Variants in SUPT16H observed in about 807,000 individuals in gnomAD.
The protein encoded by SUPT16H is FACT complex subunit SPT16.
SUPT16H carries 24 observed loss-of-function variants against 136.2 expected under a neutral mutation model. The ratio of observed to expected loss-of-function variants is 0.18; its 90% CI spans 0.13 to 0.25. The LOEUF (loss-of-function observed/expected upper bound fraction) is 0.25, where lower values mean the gene tolerates loss of function less well. Among genes scored for constraint, SUPT16H ranks in the 10% least tolerant of loss-of-function variants. The pLI, the probability that SUPT16H is intolerant of heterozygous loss-of-function variation, is 1.00. For missense variants in SUPT16H, 623 were observed against 1,270.2 expected (o/e 0.49, Z 7.74); for synonymous variants, 415 against 428.2 (o/e 0.97, Z 0.38).
intron 3 of SUPT16H, among the ~76,000 whole-genome samples, chr14:21,370,749 G>C (rs888375348): frequency 6.6e-6 from 1 of 151,860 alleles, no homozygotes; most frequent in Non-Finnish European, 1.5e-5. Flanking sequence ...AAGTAGCTGG[G>C]ACTACAGGTT....
At chr14:21,367,192 G>C (rs1346680076) in intron 7 of SUPT16H, among the ~76,000 whole-genome samples, 1 of 152,152 alleles carries the variant, frequency 6.6e-6, no homozygotes, top group Non-Finnish European at 1.5e-5. Flanking sequence ...TGGCCTCCCA[G>C]AGTGCCGGGA....
chr14:21,376,702 A>T (rs2139417790), intron 1 of SUPT16H, among the ~76,000 whole-genome samples: 1 of 152,282 alleles, frequency 6.6e-6, no homozygotes, highest in African/African-American at 2.4e-5. Flanking sequence ...CTACACACTC[A>T]GGAAAAAAGG....
chr14:21,370,666 C>T (rs1886766845), intron 3 of SUPT16H, among the ~76,000 whole-genome samples, 178 bp from the exon 4 acceptor site: 1 of 152,142 alleles, frequency 6.6e-6, no homozygotes, highest in Non-Finnish European at 1.5e-5. Context: ...CAGGGTAGAG[C>T]ACAGTGGTGT....
rs1318389586 is a variant in SUPT16H at position 21,373,389 on chromosome 14, T to A, written c.108A>T (p.Val36=). The A allele has an allele frequency of 6.2e-7, 1 of 1,614,062 alleles. No homozygotes were observed. Among genetic ancestry groups the A allele is most frequent in the African/African-American group, 1.3e-5 (1 of 74,942 alleles). The change falls in exon 2 of 26, where the codon GTA becomes GTT. Residue 36 remains valine (V), a synonymous_variant. Coordinates refer to ENST00000216297, the MANE Select transcript of SUPT16H (RefSeq NM_007192.4). ...DEYANVDAIV[V]SVGVDEEIVY... ...CAATTTCTTCATCAACACCCACTGA[T>A]ACAACAATGGCATCAACGTTGGCAT...
rs1312377822 is a variant in SUPT16H, at chr14:21,360,899, CGAATGTAT to C, written c.1995_2002del (p.Tyr666ProfsTer35). On this transcript the variant is annotated frameshift_variant, in exon 17 of 26. Coordinates refer to ENST00000216297, the MANE Select transcript of SUPT16H (RefSeq NM_007192.4). LOFTEE classifies it high-confidence loss of function. Reference sequence around the variant, plus strand: ...CATCCTCTTTTGGGCAATATTTGGGCGAATGTATAGATCTTTCAGTTTCGGATTACTCC... The same window carrying C: ...CATCCTCTTTTGGGCAATATTTGGGCAGATCTTTCAGTTTCGGATTACTCC... The C allele has an allele frequency of 6.2e-7, 1 of 1,613,984 alleles. No individual in the cohort carries two copies. The highest frequency in any genetic ancestry group is 1.3e-5 in the African/African-American group (1 of 74,900).
intron 14 of SUPT16H, 109 bp from the exon 15 acceptor site, chr14:21,362,433 TAATCTA>T (rs1886576340): frequency 2.9e-6 from 3 of 1,039,584 alleles, no homozygotes; most frequent in Non-Finnish European, 2.7e-6. Context: ...CTCTTAACCT[TAATCTA>T]AATCTAATAA....
intron 3 of SUPT16H, among the ~76,000 whole-genome samples, chr14:21,371,148 A>G (rs1886776941): frequency 6.6e-6 from 1 of 152,146 alleles, no homozygotes; most frequent in Non-Finnish European, 1.5e-5. Context: ...TTGGGATTAC[A>G]GCCATGAGCC....
chr14:21,379,568 C>T (rs1594312337), intron 1 of SUPT16H, among the ~76,000 whole-genome samples: 1 of 151,898 alleles, frequency 6.6e-6, no homozygotes, highest in South Asian at 2.1e-4. Context: ...TAAAAAGTTT[C>T]TTGGCCAGGT....
At chr14:21,373,696 T>G (rs1789280675) in intron 1 of SUPT16H, among the ~76,000 whole-genome samples, 1 of 152,244 alleles carries the variant, frequency 6.6e-6, no homozygotes, top group Non-Finnish European at 1.5e-5. Context: ...AAACGTCCTG[T>G]GTAATTCAAA....
At chr14:21,363,739 C>T (rs1164274594) in intron 10 of SUPT16H, among the ~76,000 whole-genome samples, 2 of 152,020 alleles carry the variant, frequency 1.3e-5, no homozygotes, top group African/African-American at 4.8e-5. Flanking sequence ...AGTGCAATGG[C>T]GTGACCTCAG....
chr14:21,382,551 A>C (rs1594314220), intron 1 of SUPT16H, among the ~76,000 whole-genome samples: 1 of 152,322 alleles, frequency 6.6e-6, no homozygotes, highest in African/African-American at 2.4e-5. Context: ...TTTCATACCA[A>C]AGGTTCACAG....
intron 22 of SUPT16H, among the ~76,000 whole-genome samples, chr14:21,355,513 T>TAAAAAAAAAAAAAAAAAA (rs59639210): frequency 2.6e-5 from 3 of 113,612 alleles, no homozygotes; most frequent in Non-Finnish European, 3.6e-5. Context: ...ATAATAATAA[T>TAAAAAAAAAAAAAAAAAA]AAAAAAAAAA....
At chr14:21,369,414 T>C (rs995552579) in intron 5 of SUPT16H, 59 bp from the exon 6 acceptor site, 11 of 1,596,016 alleles carry the variant, frequency 6.9e-6, no homozygotes, top group Non-Finnish European at 9.4e-6. Flanking sequence ...GCGGGGTGTG[T>C]GGACACTATG....
intron 10 of SUPT16H, 112 bp from the exon 11 acceptor site, chr14:21,363,615 C>A: frequency 1.1e-6 from 1 of 872,776 alleles, no homozygotes; most frequent in Non-Finnish European, 1.8e-6. Flanking sequence ...AAATGTTTGA[C>A]AATGAATAAA....
intron 20 of SUPT16H, 36 bp from the exon 21 acceptor site, chr14:21,358,038 C>G (rs189366558): frequency 1.9e-6 from 3 of 1,571,472 alleles, no homozygotes; most frequent in Non-Finnish European, 2.6e-6. Flanking sequence ...GAGCTCATCA[C>G]GAGAGAGACT....
At chr14:21,353,075 C>T (rs1175481902) in intron 25 of SUPT16H, among the ~76,000 whole-genome samples, 1 of 152,096 alleles carries the variant, frequency 6.6e-6, no homozygotes. Flanking sequence ...AGCTTTAAAA[C>T]GTTTGTTTGG....
intron 1 of SUPT16H, among the ~76,000 whole-genome samples, chr14:21,379,905 C>CA (rs1368405275): frequency 1.3e-5 from 2 of 151,330 alleles, no homozygotes; most frequent in African/African-American, 4.9e-5. Flanking sequence ...AACAAACAAA[C>CA]AAACAAAAAA....
In SUPT16H at chr14:21,351,627, C is replaced by T. The variant is rs757768245; in HGVS notation, c.*1046G>A. ...CTTCTTCTCTTAAAGTCACAGAGCA[C>T]GGAAGGAACTGCAGTGGGACAGGTG... On this transcript the variant is annotated 3_prime_UTR_variant, in exon 26 of 26. Coordinates refer to ENST00000216297, the MANE Select transcript of SUPT16H (RefSeq NM_007192.4). The T allele has an allele frequency of 5.5e-5, 9 of 163,362 alleles. No individual in the cohort carries two copies. Among genetic ancestry groups the T allele is most frequent in the Middle Eastern group, 3.0e-3 (1 of 332 alleles). The allele number at this position is 163,362 out of a possible 1,614,324, so 10.1% of individuals were successfully genotyped here.
chr14:21,355,492 C>CA (rs1392379273), intron 22 of SUPT16H, among the ~76,000 whole-genome samples: 27 of 104,180 alleles, frequency 2.6e-4, no homozygotes, highest in Admixed American at 3.8e-4. Context: ...GACTCTGTCT[C>CA]AAAAAAATAT....
Sources: allele counts gnomAD v4.1 joint callset (sites outside exome capture counted in the v4.1 genomes callset), GRCh38; gene constraint gnomAD v4.1.1; transcripts MANE v1.5; gene names NCBI Gene and HGNC (gene_info 2026-07-23, HGNC 2026-07-21).